DNAI4: variants seen among roughly 807,000 people sequenced by gnomAD.
DNAI4 encodes dynein axonemal intermediate chain 4.
In DNAI4, 85 loss-of-function variants were observed where a neutral mutation model predicts 105.8. That is an observed-to-expected ratio of 0.80 (90% CI 0.67 to 0.96). The LOEUF (loss-of-function observed/expected upper bound fraction) is 0.96, where lower values mean the gene tolerates loss of function less well. Ranked by LOEUF, DNAI4 falls within the 40% of genes least tolerant of loss-of-function variation. The pLI, the probability that DNAI4 is intolerant of heterozygous loss-of-function variation, is 0.00. For missense variants in DNAI4, 1,014 were observed against 1,005.6 expected, an observed-to-expected ratio of 1.01 and a Z score of -0.11; for synonymous variants, 352 against 331.5, an observed-to-expected ratio of 1.06 and a Z score of -0.67.
intron 7 of DNAI4, among the ~76,000 whole-genome samples, chr1:66,848,688 G>GTA (rs984086435): frequency 1.2e-3 from 189 of 151,874 alleles, no homozygotes; most frequent in African/African-American, 3.9e-3. Flanking sequence ...GAAGGAATGG[G>GTA]TATATATATA....
intron 6 of DNAI4, among the ~76,000 whole-genome samples, chr1:66,865,257 C>T (rs1462408936): frequency 6.6e-6 from 1 of 152,030 alleles, no homozygotes; most frequent in East Asian, 1.9e-4. Context: ...AACCCCATCT[C>T]TACTAAAAAT....
At chr1:66,851,971 T>A (rs912086380) in intron 7 of DNAI4, among the ~76,000 whole-genome samples, 2 of 151,892 alleles carry the variant, frequency 1.3e-5, no homozygotes, top group Admixed American at 1.3e-4. Context: ...ATAAAGAATT[T>A]CTTCCTTGAC....
chr1:66,825,166 C>CTTTTTTTTTTTTTTTTTTTT (rs759572433), intron 15 of DNAI4, among the ~76,000 whole-genome samples: 1 of 95,910 alleles, frequency 1.0e-5, no homozygotes, highest in Non-Finnish European at 2.0e-5. Flanking sequence ...TAATAACTGT[C>CTTTTTTTTTTTTTTTTTTTT]TTTTTTTTTT....
chr1:66,918,856 G>A (rs1049126967), intron 1 of DNAI4, among the ~76,000 whole-genome samples: 1 of 152,130 alleles, frequency 6.6e-6, no homozygotes, highest in Non-Finnish European at 1.5e-5. Context: ...AAATTACTAA[G>A]CTAAGGGAGA....
At chr1:66,887,797 A>C (rs1280284955) in intron 4 of DNAI4, among the ~76,000 whole-genome samples, 3 of 152,064 alleles carry the variant, frequency 2.0e-5, no homozygotes, top group Admixed American at 2.0e-4. Flanking sequence ...TGTCTCTACT[A>C]AAAATACAAA....
chr1:66,882,436 T>G lies in DNAI4; in HGVS notation c.644-7499A>C, dbSNP rs554684947. On this transcript the variant is annotated intron_variant, in intron 4 of 16. Coordinates refer to ENST00000371026, the MANE Select transcript of DNAI4 (RefSeq NM_024763.5). Reference sequence around the variant, plus strand: ...TGATGTTTTTCAAAAAGTTTCTTACTTTTGCATTTTAACTTTAGGCCCATG... The same window carrying G: ...TGATGTTTTTCAAAAAGTTTCTTACGTTTGCATTTTAACTTTAGGCCCATG... Among the ~76,000 whole-genome samples, 9 of 152,332 alleles carry G rather than the reference T, an allele frequency of 5.9e-5. No homozygotes were observed. The South Asian group carries it at 1.0e-3, about 18-fold the overall frequency.
rs1345337329 is a variant in DNAI4, at chr1:66,831,809, G to A, written c.2013+1776C>T. Among the ~76,000 whole-genome samples the A allele has an allele frequency of 2.0e-5, 3 of 152,302 alleles. No individual in the cohort carries two copies. The East Asian group carries it at 5.8e-4, about 29-fold the overall frequency. On this transcript the variant is annotated intron_variant, in intron 13 of 16. Coordinates refer to ENST00000371026, the MANE Select transcript of DNAI4 (RefSeq NM_024763.5). ...AAGAAAGAGAAATAAAGGCAAGCAG[G>A]TTAGAAAGAAAGAAGTAAAACTGTT... is the stretch of plus-strand genomic sequence containing the variant.
At chr1:66,816,880 T>A (rs1340245205) in intron 16 of DNAI4, among the ~76,000 whole-genome samples, 1 of 151,880 alleles carries the variant, frequency 6.6e-6, no homozygotes, top group Admixed American at 6.6e-5. Context: ...AACACAAAAA[T>A]TAAGTATTTT....
intron 1 of DNAI4, among the ~76,000 whole-genome samples, chr1:66,918,496 T>A (rs532123822): frequency 1.3e-5 from 2 of 152,228 alleles, no homozygotes; most frequent in East Asian, 3.9e-4. Flanking sequence ...GCCAGACAAC[T>A]TAAACTTCAG....
chr1:66,858,784 T>C (rs974589549), intron 7 of DNAI4, among the ~76,000 whole-genome samples: 10 of 152,066 alleles, frequency 6.6e-5, no homozygotes, highest in African/African-American at 2.2e-4. Context: ...CCCAGCAAAT[T>C]AGGAAGAGAA....
intron 6 of DNAI4, among the ~76,000 whole-genome samples, chr1:66,865,050 C>A (rs533596322): frequency 6.6e-6 from 1 of 152,030 alleles, no homozygotes; most frequent in Non-Finnish European, 1.5e-5. Flanking sequence ...CTTCTGTTTG[C>A]GGTATATATT....
chr1:66,876,055 G>A (rs1241031389), intron 4 of DNAI4, among the ~76,000 whole-genome samples: 2 of 151,770 alleles, frequency 1.3e-5, no homozygotes, highest in African/African-American at 2.4e-5. Flanking sequence ...TTAGTTTTGG[G>A]TGATTCTTCT....
At chr1:66,917,998 G>C (rs1195097988) in intron 1 of DNAI4, among the ~76,000 whole-genome samples, 1 of 152,214 alleles carries the variant, frequency 6.6e-6, no homozygotes, top group Non-Finnish European at 1.5e-5. Context: ...GACAGGCCCA[G>C]AAGCCTCAGG....
intron 13 of DNAI4, chr1:66,828,448 T>C (rs1403475370): frequency 6.6e-6 from 1 of 152,214 alleles, no homozygotes; most frequent in Non-Finnish European, 1.5e-5. Flanking sequence ...AACAGTTAGT[T>C]ACATCAGAAA....
At chr1:66,825,541 T>C (rs1471718213) in intron 15 of DNAI4, among the ~76,000 whole-genome samples, 2 of 152,240 alleles carry the variant, frequency 1.3e-5, no homozygotes, top group East Asian at 1.9e-4. Context: ...AACGTACAAG[T>C]ACATTTTGAA....
At chr1:66,910,800 T>C (rs1435264139) in intron 1 of DNAI4, among the ~76,000 whole-genome samples, 4 of 152,262 alleles carry the variant, frequency 2.6e-5, no homozygotes, top group African/African-American at 7.2e-5. Flanking sequence ...GGGTAGGAAC[T>C]TTAGGCTCTT....
chr1:66,859,353 A>T (rs1646575701), intron 7 of DNAI4, among the ~76,000 whole-genome samples: 1 of 49,304 alleles, frequency 2.0e-5, no homozygotes. Flanking sequence ...TTGCTAATGG[A>T]TGCAAAATAG....
At chr1:66,908,371 C>A (rs1394417445) in intron 1 of DNAI4, among the ~76,000 whole-genome samples, 1 of 152,162 alleles carries the variant, frequency 6.6e-6, no homozygotes, top group Non-Finnish European at 1.5e-5. Context: ...GAATCCACAC[C>A]ATTATGGGGT....
intron 10 of DNAI4, among the ~76,000 whole-genome samples, chr1:66,836,272 GAAAGAAAGA>G (rs1646014004): frequency 8.8e-6 from 1 of 113,844 alleles, no homozygotes; most frequent in Non-Finnish European, 1.9e-5. Flanking sequence ...AAGAAAGAAA[GAAAGAAAGA>G]AAGAAAGAAA....
Sources: allele counts gnomAD v4.1 joint callset (sites outside exome capture counted in the v4.1 genomes callset), GRCh38; gene constraint gnomAD v4.1.1; transcripts MANE v1.5; gene names NCBI Gene and HGNC (gene_info 2026-07-23, HGNC 2026-07-21).